CNTNAP2: variants seen among roughly 807,000 people sequenced by gnomAD.
CNTNAP2 encodes contactin associated protein 2, also known as contactin-associated protein-like 2.
CNTNAP2 carries 98 observed loss-of-function variants against 155.2 expected under a neutral mutation model. That is an observed-to-expected ratio of 0.63 (90% CI 0.54 to 0.75). The LOEUF (loss-of-function observed/expected upper bound fraction) is 0.75, where lower values mean the gene tolerates loss of function less well. Among genes scored for constraint, CNTNAP2 ranks in the 30% least tolerant of loss-of-function variants. The pLI, the probability that CNTNAP2 is intolerant of heterozygous loss-of-function variation, is 0.00. For missense variants in CNTNAP2, 1,727 were observed against 1,688.1 expected (o/e 1.02, Z -0.40); for synonymous variants, 651 against 631.2 (o/e 1.03, Z -0.47).
intron 6 of CNTNAP2, among the ~76,000 whole-genome samples, chr7:147,125,232 G>C (rs1801209149): frequency 6.6e-6 from 1 of 151,964 alleles, no homozygotes; most frequent in African/African-American, 2.4e-5. Context: ...GACCAGGATG[G>C]TCTCGATCTC....
intron 1 of CNTNAP2, among the ~76,000 whole-genome samples, chr7:146,523,295 A>G (rs1262444696): frequency 1.3e-5 from 2 of 152,034 alleles, no homozygotes; most frequent in African/African-American, 2.4e-5. Context: ...CTCATTTCTA[A>G]AAATTTTGGT....
intron 1 of CNTNAP2, among the ~76,000 whole-genome samples, chr7:146,134,544 G>A (rs1797768719): frequency 6.6e-6 from 1 of 150,990 alleles, no homozygotes; most frequent in Non-Finnish European, 1.5e-5. Flanking sequence ...ATTGGCTGTG[G>A]GTTTGTCATA....
chr7:148,125,255 CCTCTCTCT>C (rs1489777654), intron 16 of CNTNAP2, among the ~76,000 whole-genome samples: 2 of 151,478 alleles, frequency 1.3e-5, no homozygotes, highest in Non-Finnish European at 2.9e-5. Flanking sequence ...TCTCTCTCTC[CCTCTCTCT>C]CTGTCTCTCT....
At chr7:146,885,591 C>T (rs1225997419) in intron 3 of CNTNAP2, among the ~76,000 whole-genome samples, 1 of 152,024 alleles carries the variant, frequency 6.6e-6, no homozygotes, top group Non-Finnish European at 1.5e-5. Flanking sequence ...AAATGGATAT[C>T]TTTAATTATT....
At chr7:147,484,217 A>C (rs1047974848) in intron 10 of CNTNAP2, among the ~76,000 whole-genome samples, 1 of 152,282 alleles carries the variant, frequency 6.6e-6, no homozygotes, top group Non-Finnish European at 1.5e-5. Context: ...TAAAAAAGTA[A>C]GTGTCTATTA....
chr7:147,677,955 C>T (rs1420551364), intron 13 of CNTNAP2, among the ~76,000 whole-genome samples: 2 of 151,668 alleles, frequency 1.3e-5, no homozygotes, highest in Admixed American at 1.3e-4. Flanking sequence ...GAGTGTGATG[C>T]TTCCAGTTTT....
At chr7:147,444,542 T>TA (rs35126268) in intron 10 of CNTNAP2, among the ~76,000 whole-genome samples, 33 of 150,136 alleles carry the variant, frequency 2.2e-4, no homozygotes, top group Middle Eastern at 6.8e-3. Flanking sequence ...TTTTTTTTTT[T>TA]ACTAGCATCA....
intron 4 of CNTNAP2, among the ~76,000 whole-genome samples, chr7:147,066,511 T>C (rs745787268): frequency 7.9e-5 from 12 of 152,194 alleles, no homozygotes; most frequent in Non-Finnish European, 1.0e-4. Context: ...TTCTGACATA[T>C]TGGATTTTAT....
chr7:146,282,189 A>G (rs1241440036), intron 1 of CNTNAP2, among the ~76,000 whole-genome samples: 2 of 152,198 alleles, frequency 1.3e-5, no homozygotes, highest in African/African-American at 4.8e-5. Context: ...ACTCATGACA[A>G]TGCTACACCT....
At chr7:146,146,022 A>G (rs142690612) in intron 1 of CNTNAP2, among the ~76,000 whole-genome samples, 196 of 152,310 alleles carry the variant, frequency 1.3e-3, no homozygotes, top group African/African-American at 4.1e-3. Flanking sequence ...ACTAACCTTT[A>G]AATGATATAT....
intron 10 of CNTNAP2, among the ~76,000 whole-genome samples, chr7:147,414,679 C>G (rs1425488973): frequency 6.6e-6 from 1 of 151,794 alleles, no homozygotes; most frequent in Non-Finnish European, 1.5e-5. Context: ...CGGTGGCTCA[C>G]GCCTGTAATC....
chr7:147,196,616 A>G (rs562525789), intron 8 of CNTNAP2, among the ~76,000 whole-genome samples: 1 of 152,286 alleles, frequency 6.6e-6, no homozygotes, highest in East Asian at 1.9e-4. Context: ...CTGAACACAA[A>G]GGAATAAAAC....
At chr7:147,402,188 T>G (rs760099324) in intron 10 of CNTNAP2, among the ~76,000 whole-genome samples, 1 of 152,212 alleles carries the variant, frequency 6.6e-6, no homozygotes, top group Non-Finnish European at 1.5e-5. Context: ...AAACTTCCTT[T>G]TGTGGTTGTA....
intron 1 of CNTNAP2, among the ~76,000 whole-genome samples, chr7:146,233,125 G>T (rs978862388): frequency 2.0e-5 from 3 of 151,886 alleles, no homozygotes; most frequent in African/African-American, 7.3e-5. Context: ...AGTGTTCTAA[G>T]CACTAACTAG....
At chr7:147,043,878 A>T in intron 3 of CNTNAP2, 29 bp from the exon 4 acceptor site, 1 of 1,613,820 alleles carries the variant, frequency 6.2e-7, no homozygotes, top group South Asian at 1.1e-5. Context: ...TATTTTTCCC[A>T]ATTTTTAAAA....
At chr7:147,497,554 C>A (rs896686369) in intron 11 of CNTNAP2, among the ~76,000 whole-genome samples, 3 of 152,180 alleles carry the variant, frequency 2.0e-5, no homozygotes, top group Non-Finnish European at 4.4e-5. Context: ...TAAAGAAATA[C>A]CTCTAAGAAT....
intron 3 of CNTNAP2, among the ~76,000 whole-genome samples, chr7:146,856,285 GATAGATAGATAGATAC>G (rs1348765840): frequency 0.051 from 3,979 of 77,658 alleles, 70 homozygotes; most frequent in Middle Eastern, 0.1. Flanking sequence ...TAGATAGATA[GATAGATAGATAGATAC>G]ATACATACAT....
At chr7:146,746,842 C>A (rs1801817051) in intron 1 of CNTNAP2, among the ~76,000 whole-genome samples, 4 of 152,030 alleles carry the variant, frequency 2.6e-5, no homozygotes, top group Admixed American at 2.6e-4. Context: ...TAGTTTTATG[C>A]TTATAGTTGG....
At chr7:148,078,583 C>G (rs927768651) in intron 15 of CNTNAP2, among the ~76,000 whole-genome samples, 6 of 152,056 alleles carry the variant, frequency 3.9e-5, no homozygotes, top group African/African-American at 9.7e-5. Context: ...CAGGTTCAAA[C>G]GATTCTCCTG....
Sources: gnomAD v4.1 joint callset for allele counts (sites outside exome capture counted in the v4.1 genomes callset) on GRCh38, gnomAD v4.1.1 for gene constraint, MANE v1.5 for transcripts, NCBI Gene and HGNC (gene_info 2026-07-23, HGNC 2026-07-21) for gene names.